The following CRYBG2 variants were observed in gnomAD, a reference collection of about 807,000 sequenced individuals.
The protein encoded by CRYBG2 is crystallin beta-gamma domain containing 2, also known as beta/gamma crystallin domain-containing protein 2.
CRYBG2 carries 106 observed loss-of-function variants against 153.4 expected under a neutral mutation model. That is an observed-to-expected ratio of 0.69 (90% CI 0.59 to 0.81). CRYBG2 has a LOEUF of 0.81. Among genes scored for constraint, CRYBG2 ranks in the 30% least tolerant of loss-of-function variants. The pLI is 0.00. For synonymous variants in CRYBG2, 851 were observed against 877.8 expected (o/e 0.97, Z 0.54); for missense variants, 1,996 against 2,112.0 (o/e 0.95, Z 1.08).
At chr1:26,342,986 A>C (rs1570198347) in intron 4 of CRYBG2, 61 bp downstream of exon 4, 1 of 1,538,436 alleles carries the variant, frequency 6.5e-7, no homozygotes, top group African/African-American at 1.4e-5. Flanking sequence ...GTCACTCCTC[A>C]CTCCCCTCTG....
Position 26,343,419 on chromosome 1 carries a change from G to T in CRYBG2, c.2914-126C>A. ...TCCACCCGCAAGGAGCTGGCGCATA[G>T]AGGATGCTCACACTTGTTCCCAACC... On this transcript the variant is annotated intron_variant, in intron 2 of 19. Coordinates refer to ENST00000308182, the MANE Select transcript of CRYBG2 (RefSeq NM_001039775.4). The surrounding 1 kb of genome is among the most constrained non-coding windows in gnomAD (Gnocchi z 4.1). 1 of 1,186,754 alleles carries T rather than the reference G, an allele frequency of 8.4e-7. No homozygotes were observed. The allele number at this position is 1,186,754 out of a possible 1,614,324, so 73.5% of individuals were successfully genotyped here. A position where few individuals can be genotyped will look rare whatever the true frequency, so the allele number is the denominator to read the frequency against.
Position 26,344,023 on chromosome 1 carries a change from GCTT to G in CRYBG2, c.2632_2634del (p.Lys878del). ...TGGGGGCCCTTGGTTCCTGCTACAT[GCTT>G]CTTCATCATCTCCAGAGGAGAGCAG... On this transcript the variant is annotated inframe_deletion, in exon 2 of 20. Coordinates refer to ENST00000308182, the MANE Select transcript of CRYBG2 (RefSeq NM_001039775.4). 1 of 1,536,198 alleles carries G rather than the reference GCTT, an allele frequency of 6.5e-7. No individual in the cohort carries two copies. Among genetic ancestry groups the G allele is most frequent in the Non-Finnish European group, 8.7e-7 (1 of 1,146,908 alleles).
chr1:26,337,773 GC>G, intron 8 of CRYBG2, 99 bp from the exon 9 acceptor site: 1 of 1,489,314 alleles, frequency 6.7e-7, no homozygotes. Context: ...GCACCCCCCA[GC>G]CCTCCCACCT....
At position 26,346,217 on chromosome 1, in the gene CRYBG2, C is replaced by A; in HGVS notation, c.441G>T (p.Leu147=). ...AMARTELLVP[L]PGPREPSPHP... is the part of the protein sequence containing the mutation. ...GGGGACTTGGCTCTCGGGGCCCAGG[C>A]AGGGGAACCAAAAGCTCAGTCCTGG... is the stretch of plus-strand genomic sequence containing the variant. The change falls in exon 2 of 20, where the codon CTG becomes CTT. Residue 147 remains leucine, a synonymous_variant. Transcript: ENST00000308182. The surrounding 1 kb of genome is among the most constrained non-coding windows in gnomAD (Gnocchi z 4.9). 6.4e-7 allele frequency: 1 copy of A among 1,573,616 alleles called. No individual in the cohort carries two copies. Among genetic ancestry groups the A allele is most frequent in the Non-Finnish European group, 8.6e-7 (1 of 1,166,250 alleles).
At chr1:26,330,273 G>A (rs1224232459) in intron 15 of CRYBG2, among the ~76,000 whole-genome samples, 1 of 152,140 alleles carries the variant, frequency 6.6e-6, no homozygotes, top group Admixed American at 6.6e-5. Context: ...GGAGGAAACA[G>A]GCTGGAGAGG....
At chr1:26,327,675 G>T (rs2073948107) in intron 17 of CRYBG2, among the ~76,000 whole-genome samples, 1 of 151,078 alleles carries the variant, frequency 6.6e-6, no homozygotes, top group Non-Finnish European at 1.5e-5. Flanking sequence ...GGCTGGGCAT[G>T]GTGGCTCACG....
At chr1:26,333,476 G>C (rs1443720471) in intron 14 of CRYBG2, among the ~76,000 whole-genome samples, 1 of 152,006 alleles carries the variant, frequency 6.6e-6, no homozygotes, top group Non-Finnish European at 1.5e-5. Flanking sequence ...TGAGGCAGGA[G>C]AGTTGCTTGA....
rs2073863125 is a variant in CRYBG2 at position 26,322,025 on chromosome 1, C to G, written c.4929G>C (p.Val1643=). The G allele has an allele frequency of 1.2e-6, 2 of 1,607,426 alleles. No homozygotes were observed. Among genetic ancestry groups the G allele is most frequent in the East Asian group, 4.5e-5 (2 of 44,646 alleles). The change falls in exon 20 of 20, where the codon GTG becomes GTC. Residue 1643 remains valine (V), a synonymous_variant. Coordinates refer to ENST00000308182, the MANE Select transcript of CRYBG2 (RefSeq NM_001039775.4). ...CCCTGTCCTCATCCGGCTCCCATAG[C>G]ACCACGTGGTCCCGGTCGTAGCCCC... ...GGRGYDRDHV[V]LWEPDEDRAS...
At position 26,344,028 on chromosome 1, in the gene CRYBG2, TTCA is replaced by T. The variant is rs1462465180; in HGVS notation, c.2627_2629del (p.Met876del). On this transcript the variant is annotated inframe_deletion, in exon 2 of 20. Transcript: ENST00000308182. ...GCCCTTGGTTCCTGCTACATGCTTC[TTCA>T]TCATCTCCAGAGGAGAGCAGGAGAC... 2.6e-6 allele frequency: 4 copies of T among 1,536,150 alleles called. No individual in the cohort carries two copies. Among genetic ancestry groups the T allele is most frequent in the Non-Finnish European group, 8.7e-7 (1 of 1,146,896 alleles).
intron 14 of CRYBG2, among the ~76,000 whole-genome samples, chr1:26,333,045 A>AAAAAAAAAAAAT (rs2074016334): frequency 2.2e-5 from 3 of 138,736 alleles, no homozygotes; most frequent in Non-Finnish European, 3.1e-5. Flanking sequence ...AAAAAAAAAA[A>AAAAAAAAAAAAT]AGATTTCTAA....
At chr1:26,329,173 C>CTTTTTT (rs35855833) in intron 15 of CRYBG2, among the ~76,000 whole-genome samples, 12 of 98,642 alleles carry the variant, frequency 1.2e-4, no homozygotes, top group East Asian at 2.9e-4. Flanking sequence ...TTATTCTAGG[C>CTTTTTT]TTTTTTTTTT....
intron 17 of CRYBG2, among the ~76,000 whole-genome samples, chr1:26,326,045 C>T (rs1191226710): frequency 2.0e-5 from 3 of 152,116 alleles, no homozygotes; most frequent in African/African-American, 4.8e-5. Context: ...CAAGCCATCA[C>T]ACCTAGCTCA....
intron 10 of CRYBG2, 87 bp downstream of exon 10, chr1:26,337,166 G>C: frequency 6.3e-7 from 1 of 1,580,820 alleles, no homozygotes; most frequent in Non-Finnish European, 8.6e-7. Flanking sequence ...ACGGAGAGGG[G>C]GTACAAATTC....
rs1359310386 is a variant in CRYBG2 at position 26,345,902 on chromosome 1, G to T, written c.756C>A (p.His252Gln). 1 of 1,597,638 alleles carries T rather than the reference G, an allele frequency of 6.3e-7. No homozygotes were observed. The highest frequency in any genetic ancestry group is 1.1e-5 in the South Asian group (1 of 91,036). ...VPAGHSPPAS[H>Q]LPRPTAGGPR... is the part of the protein sequence containing the mutation. ...GCCCGCCAGCCGTGGGCCTGGGCAG[G>T]TGACTGGCAGGGGGGCTGTGCCCAG... Residue 252 changes from histidine (H) to glutamine (Q), a missense_variant, in exon 2 of 20, where the codon CAC becomes CAA. Physicochemically the swap from His to Gln is conservative, Grantham distance 24 (BLOSUM62 0). Transcript: ENST00000308182.
rs760692635 is a variant in CRYBG2, at chr1:26,336,475, C to T, written c.4039-105G>A. On this transcript the variant is annotated intron_variant, in intron 12 of 19. Transcript: ENST00000308182. This position sits in a 1 kb window ranked among gnomAD's most constrained non-coding sequence, Gnocchi z 4.9. ...CCCCGCGGCCGCGCCCTCGGCCCCGCCCCCTTCTAAGGCCCCGCCCCAAGC... is the reference window on the plus strand; with the variant it reads ...CCCCGCGGCCGCGCCCTCGGCCCCGTCCCCTTCTAAGGCCCCGCCCCAAGC... 1.3e-5 allele frequency: 20 copies of T among 1,550,262 alleles called. No individual in the cohort carries two copies. In the South Asian group the frequency reaches 1.4e-4, roughly 11 times the overall value.
Position 26,344,135 on chromosome 1 carries a change from G to A in CRYBG2, c.2523C>T (p.Asp841=), listed in dbSNP as rs1332126054. 1.0e-5 allele frequency: 16 copies of A among 1,535,958 alleles called. No individual in the cohort carries two copies. Among genetic ancestry groups the A allele is most frequent in the Admixed American group, 2.0e-5 (1 of 50,904 alleles). ...EEEPENPYLS[D]DEKLQRRQEK... ...CCTGCCTGCGCTGGAGCTTCTCATC[G>A]TCACTCAGATAGGGGTTCTCTGGTT... The change falls in exon 2 of 20, where the codon GAC becomes GAT. Residue 841 remains aspartate, a synonymous_variant. Transcript: ENST00000308182.
intron 1 of CRYBG2, among the ~76,000 whole-genome samples, chr1:26,350,776 G>A (rs751687020): frequency 6.6e-6 from 1 of 152,040 alleles, no homozygotes; most frequent in Non-Finnish European, 1.5e-5. Flanking sequence ...GAACCCCAGA[G>A]AGGCCAGCCT....
intron 5 of CRYBG2, 36 bp downstream of exon 5, chr1:26,342,718 G>A (rs769163036): frequency 3.7e-6 from 6 of 1,603,496 alleles, no homozygotes; most frequent in Admixed American, 1.7e-5. Flanking sequence ...TCAACTCTAG[G>A]CACTCGAGGC....
In CRYBG2 at chr1:26,338,488, CAG is replaced by C. The variant is rs764219538; in HGVS notation, c.3345-13_3345-12del. On this transcript the variant is annotated splice_polypyrimidine_tract_variant and intron_variant, in intron 6 of 19. Coordinates refer to ENST00000308182, the MANE Select transcript of CRYBG2 (RefSeq NM_001039775.4). ...GGGTACAGTAGCCACCTAGGGGAAA[CAG>C]AGAGGCTGCTGCACCCTAGCAGAGA... The C allele has an allele frequency of 6.3e-7, 1 of 1,594,776 alleles. No individual in the cohort carries two copies. The highest frequency in any genetic ancestry group is 1.1e-5 in the South Asian group (1 of 87,604).
Sources: allele counts gnomAD v4.1 joint callset (sites outside exome capture counted in the v4.1 genomes callset), GRCh38; gene constraint gnomAD v4.1.1; non-coding constraint Gnocchi (gnomAD v3.1); transcripts MANE v1.5; gene names NCBI Gene and HGNC (gene_info 2026-07-23, HGNC 2026-07-21).